Variants in NXPE2 observed in about 807,000 individuals in gnomAD.
The protein encoded by NXPE2 is neurexophilin and PC-esterase domain family member 2, also known as NXPE family member 2.
A neutral mutation model predicts 34.4 loss-of-function variants in NXPE2; 34 were observed. The observed-to-expected ratio is 0.99, with a 90% confidence interval of 0.75 to 1.31. The LOEUF (loss-of-function observed/expected upper bound fraction) is 1.31. NXPE2 is among the 40% of genes most tolerant of loss of function. The pLI, the probability that NXPE2 is intolerant of heterozygous loss-of-function variation, is 0.00. For missense variants in NXPE2, 649 were observed against 672.5 expected, an observed-to-expected ratio of 0.97 and a Z score of 0.39; for synonymous variants, 235 against 231.3, an observed-to-expected ratio of 1.02 and a Z score of -0.15.
the NXPE2 span, among the ~76,000 whole-genome samples, chr11:114,491,750 G>A: frequency 1.3e-5 from 2 of 152,234 alleles, no homozygotes; most frequent in Admixed American, 6.5e-5. Flanking sequence ...CAAAGACTTG[G>A]AACCAACCCA....
chr11:114,813,212 G>A, the NXPE2 span, among the ~76,000 whole-genome samples: 1 of 152,226 alleles, frequency 6.6e-6, no homozygotes. Context: ...TGTAATCACA[G>A]GTTCCTCCCA....
the NXPE2 span, among the ~76,000 whole-genome samples, chr11:114,712,960 A>G: frequency 1.3e-5 from 2 of 152,220 alleles, no homozygotes; most frequent in African/African-American, 4.8e-5. Context: ...TAAAGGAAGG[A>G]AATCATGTCA....
Position 114,698,517 on chromosome 11 carries a change from C to A in NXPE2, c.605C>A (p.Ala202Asp). 1 of 1,614,126 alleles carries A rather than the reference C, an allele frequency of 6.2e-7. No homozygotes were observed. ...ATCCACCCCAGTGAAGGGGTATCAG[C>A]TCTCTGGAGGGCAAGGAACCAAGGA... is the stretch of plus-strand genomic sequence containing the variant. ...LLIHPSEGVSALWRARNQGCD... is the reference protein window; with the variant it reads ...LLIHPSEGVSDLWRARNQGCD... Residue 202 changes from alanine to aspartate, a missense_variant, in exon 3 of 6, where the codon GCT becomes GAT. By Grantham distance (126) the Ala-to-Asp change is moderately radical. Coordinates refer to ENST00000389586, the MANE Select transcript of NXPE2 (RefSeq NM_182495.6).
At chr11:114,683,425 G>GTTTT (rs35515592) in intron 2 of NXPE2, among the ~76,000 whole-genome samples, 7 of 144,614 alleles carry the variant, frequency 4.8e-5, no homozygotes, top group Non-Finnish European at 6.0e-5. Context: ...TAGAGTCAAA[G>GTTTT]TTTTTTTTTT....
the NXPE2 span, among the ~76,000 whole-genome samples, chr11:114,466,311 G>C: frequency 1.3e-5 from 2 of 151,976 alleles, no homozygotes; most frequent in African/African-American, 2.4e-5. Context: ...TTAATATCTC[G>C]ATATTTGAAA....
chr11:114,765,982 A>G, the NXPE2 span, among the ~76,000 whole-genome samples: 1 of 152,160 alleles, frequency 6.6e-6, no homozygotes, highest in Non-Finnish European at 1.5e-5. Flanking sequence ...ATCACCTCCA[A>G]TGAACTCATT....
chr11:114,613,050 G>C, the NXPE2 span, among the ~76,000 whole-genome samples: 1 of 151,714 alleles, frequency 6.6e-6, no homozygotes, highest in Non-Finnish European at 1.5e-5. Flanking sequence ...GATAATACTT[G>C]TTGCCTTGAG....
the NXPE2 span, among the ~76,000 whole-genome samples, chr11:114,537,375 C>T: frequency 2.0e-5 from 3 of 152,164 alleles, no homozygotes; most frequent in Admixed American, 6.5e-5. Context: ...TGGCACAAGA[C>T]AGGGATGCCC....
the NXPE2 span, among the ~76,000 whole-genome samples, chr11:114,611,800 C>T: frequency 6.6e-6 from 1 of 151,878 alleles, no homozygotes; most frequent in African/African-American, 2.4e-5. Context: ...TAAGTGTTGC[C>T]TCTTGGGAAA....
the NXPE2 span, among the ~76,000 whole-genome samples, chr11:114,760,889 A>G: frequency 6.6e-6 from 1 of 152,282 alleles, no homozygotes; most frequent in South Asian, 2.1e-4. Flanking sequence ...ATCCACCCAC[A>G]TTAATCACTC....
the NXPE2 span, among the ~76,000 whole-genome samples, chr11:114,761,714 C>T: frequency 1.3e-5 from 2 of 151,632 alleles, no homozygotes; most frequent in Non-Finnish European, 2.9e-5. Flanking sequence ...GCTGGGACTA[C>T]AGGCGCCCGC....
At chr11:114,510,499 G>A in the NXPE2 span, among the ~76,000 whole-genome samples, 1 of 152,298 alleles carries the variant, frequency 6.6e-6, no homozygotes, top group East Asian at 1.9e-4. Context: ...AGGATTACAG[G>A]TGTAAGCCAC....
At chr11:114,728,328 A>G in the NXPE2 span, among the ~76,000 whole-genome samples, 1 of 152,058 alleles carries the variant, frequency 6.6e-6, no homozygotes, top group Non-Finnish European at 1.5e-5. Context: ...ACATCTTTGG[A>G]GGAAGAGGAG....
At chr11:114,610,656 C>G in the NXPE2 span, among the ~76,000 whole-genome samples, 1 of 151,724 alleles carries the variant, frequency 6.6e-6, no homozygotes, top group Non-Finnish European at 1.5e-5. Context: ...CACTGTTAAC[C>G]GGTGGATAAT....
At chr11:114,663,638 A>ATCTATCTATCATCTC in the NXPE2 span, among the ~76,000 whole-genome samples, 1 of 7,772 alleles carries the variant, frequency 1.3e-4, no homozygotes, top group Admixed American at 2.4e-3. Flanking sequence ...TCTATCTATC[A>ATCTATCTATCATCTC]TCTATCCATC....
chr11:114,562,379 C>G, the NXPE2 span, among the ~76,000 whole-genome samples: 2 of 152,234 alleles, frequency 1.3e-5, no homozygotes, highest in South Asian at 4.1e-4. Context: ...AGCCCTTGCA[C>G]ACATTCTCAG....
chr11:114,647,851 G>T, the NXPE2 span, among the ~76,000 whole-genome samples: 49,791 of 151,724 alleles, frequency 0.33, 8,440 homozygotes, highest in East Asian at 0.41. Context: ...ACAGGTGCCT[G>T]CCACTGTGCA....
At chr11:114,789,365 C>G in the NXPE2 span, among the ~76,000 whole-genome samples, 9 of 152,134 alleles carry the variant, frequency 5.9e-5, no homozygotes, top group Non-Finnish European at 8.8e-5. Context: ...AATATGAACT[C>G]AAACCATATG....
At chr11:114,604,312 C>G in the NXPE2 span, among the ~76,000 whole-genome samples, 1 of 151,902 alleles carries the variant, frequency 6.6e-6, no homozygotes, top group African/African-American at 2.4e-5. Flanking sequence ...CAATTCTTAC[C>G]CTGTGGAAAA....
Sources: allele counts gnomAD v4.1 joint callset (sites outside exome capture counted in the v4.1 genomes callset), GRCh38; gene constraint gnomAD v4.1.1; transcripts MANE v1.5; gene names NCBI Gene and HGNC (gene_info 2026-07-23, HGNC 2026-07-21).